The following ZNF704 variants were observed in gnomAD, a reference collection of about 807,000 sequenced individuals.
ZNF704 encodes the protein zinc finger protein 704.
A neutral mutation model predicts 44.7 loss-of-function variants in ZNF704; 10 were observed. The observed-to-expected ratio is 0.22, with a 90% CI of 0.14 to 0.38. The LOEUF (loss-of-function observed/expected upper bound fraction) is 0.38, where lower values mean the gene tolerates loss of function less well. Ranked by LOEUF, ZNF704 falls within the 10% of genes least tolerant of loss-of-function variation. The probability of loss-of-function intolerance (pLI) is 1.00; values close to 1 mark genes in which losing one functional copy is unlikely to be tolerated. For synonymous variants in ZNF704, 211 were observed against 207.6 expected (o/e 1.02, Z -0.14); for missense variants, 390 against 545.5 (o/e 0.71, Z 2.84).
intron 5 of ZNF704, among the ~76,000 whole-genome samples, chr8:80,669,992 G>A (rs898509627): frequency 1.3e-5 from 2 of 152,154 alleles, no homozygotes; most frequent in African/African-American, 4.8e-5. Context: ...CGATTGGTGT[G>A]GTGACTCTTG....
intron 3 of ZNF704, among the ~76,000 whole-genome samples, chr8:80,688,890 C>A (rs749228981): frequency 7.0e-6 from 1 of 142,912 alleles, no homozygotes; most frequent in Non-Finnish European, 1.5e-5. Context: ...ACTTGGGAGG[C>A]GGAGGTTGCA....
intron 2 of ZNF704, among the ~76,000 whole-genome samples, chr8:80,709,644 C>A (rs6983710): frequency 0.069 from 10,480 of 151,834 alleles, 1,212 homozygotes; most frequent in African/African-American, 0.24. Context: ...GTGAGAAAGG[C>A]AGGATTGGGT....
intron 2 of ZNF704, among the ~76,000 whole-genome samples, chr8:80,715,372 G>A (rs886384079): frequency 3.3e-5 from 5 of 152,176 alleles, no homozygotes; most frequent in African/African-American, 1.2e-4. Flanking sequence ...GGCTCCACAA[G>A]CCTCAGAGCA....
chr8:80,848,245 G>A (rs1243888172), intron 1 of ZNF704, among the ~76,000 whole-genome samples: 1 of 152,186 alleles, frequency 6.6e-6, no homozygotes, highest in African/African-American at 2.4e-5. Flanking sequence ...ACGGCGGAGA[G>A]GCAAGGAGAG....
chr8:80,731,088 A>T (rs1042569409), intron 2 of ZNF704, among the ~76,000 whole-genome samples: 5 of 152,208 alleles, frequency 3.3e-5, no homozygotes, highest in African/African-American at 1.2e-4. Context: ...CACCAAATTG[A>T]CATTTGAAGC....
chr8:80,868,162 T>C (rs545627076), intron 1 of ZNF704, among the ~76,000 whole-genome samples: 1 of 152,332 alleles, frequency 6.6e-6, no homozygotes, highest in South Asian at 2.1e-4. Flanking sequence ...TTGTTTCTTT[T>C]CTGGTTTTTT....
At chr8:80,667,047 G>A (rs1818206349) in intron 5 of ZNF704, among the ~76,000 whole-genome samples, 2 of 152,176 alleles carry the variant, frequency 1.3e-5, no homozygotes, top group African/African-American at 2.4e-5. Flanking sequence ...CGTTTGAGTA[G>A]AGACCTGCCT....
chr8:80,846,033 T>C, intron 1 of ZNF704, among the ~76,000 whole-genome samples: 1 of 152,218 alleles, frequency 6.6e-6, no homozygotes, highest in East Asian at 1.9e-4. Context: ...TGCTGAGTAT[T>C]GTGTATAACA....
Position 80,632,515 on chromosome 8 carries a change from A to C in ZNF704, c.*8851T>G, listed in dbSNP as rs545759618. On this transcript the variant is annotated 3_prime_UTR_variant, in exon 9 of 9. Coordinates refer to ENST00000327835, the MANE Select transcript of ZNF704 (RefSeq NM_001033723.3). ...CAATTCTGGTTAATTTTCTGAATTA[A>C]AAATTTAGGGAAAAGGACCTAGCAA... is the stretch of plus-strand genomic sequence containing the variant. 2.0e-5 allele frequency: 3 copies of C among 152,300 alleles called. No homozygotes were observed. The highest frequency in any genetic ancestry group is 7.2e-5 in the African/African-American group (3 of 41,570). The allele number at this position is 152,300 out of a possible 1,614,324, so 9.4% of individuals were successfully genotyped here.
intron 2 of ZNF704, among the ~76,000 whole-genome samples, chr8:80,744,279 T>TTA (rs971053566): frequency 5.9e-5 from 9 of 151,988 alleles, no homozygotes; most frequent in South Asian, 2.1e-4. Context: ...TCACAACATT[T>TTA]TATATATATA....
At chr8:80,850,335 T>C (rs763957685) in intron 1 of ZNF704, among the ~76,000 whole-genome samples, 17 of 152,212 alleles carry the variant, frequency 1.1e-4, no homozygotes, top group Non-Finnish European at 2.2e-4. Context: ...TCTTTTCTTA[T>C]ATGAACTCCA....
intron 2 of ZNF704, among the ~76,000 whole-genome samples, chr8:80,713,881 C>T (rs948492110): frequency 1.3e-5 from 2 of 152,150 alleles, no homozygotes; most frequent in African/African-American, 4.8e-5. Context: ...TCTTCAGCAC[C>T]CCTCAGGCAT....
Position 80,643,106 on chromosome 8 carries a change from C to T in ZNF704, c.1056G>A (p.Val352=). The T allele has an allele frequency of 6.2e-7, 1 of 1,605,990 alleles. No homozygotes were observed. Among genetic ancestry groups the T allele is most frequent in the Non-Finnish European group, 8.5e-7 (1 of 1,176,234 alleles). The change falls in exon 8 of 9, where the codon GTG becomes GTA. Residue 352 remains valine, a synonymous_variant. Transcript: ENST00000327835. The part of the protein sequence containing the change: ...GIPVSPTHHP[V]GTGEQRQHAH... ...CATGCTGTCTCTGCTCTCCTGTGCCCACCGGATGATGTGTGGGTGACACCT... is the reference window on the plus strand; with the variant it reads ...CATGCTGTCTCTGCTCTCCTGTGCCTACCGGATGATGTGTGGGTGACACCT...
In ZNF704 at chr8:80,631,203, C is replaced by T. The variant is rs936281468; in HGVS notation, c.*10163G>A. 1 of 152,036 alleles carries T rather than the reference C, an allele frequency of 6.6e-6. No homozygotes were observed. Among genetic ancestry groups the T allele is most frequent in the Non-Finnish European group, 1.5e-5 (1 of 68,018 alleles). 9.4% of individuals were successfully genotyped at this position (152,036 alleles called of 1,614,324 possible). On this transcript the variant is annotated 3_prime_UTR_variant, in exon 9 of 9. Transcript: ENST00000327835. ...GCAAAGTTATGTATTGCTCCTCAACCTTTTTTGGGAAAGTATGGGTAGTTT... is the reference window on the plus strand; with the variant it reads ...GCAAAGTTATGTATTGCTCCTCAACTTTTTTTGGGAAAGTATGGGTAGTTT...
intron 2 of ZNF704, among the ~76,000 whole-genome samples, chr8:80,727,590 G>A (rs568579517): frequency 7.9e-5 from 12 of 152,080 alleles, no homozygotes; most frequent in African/African-American, 2.7e-4. Flanking sequence ...AGGCAGGCAG[G>A]GGGTGGATGG....
At chr8:80,876,261 G>C (rs1360667640), upstream of ZNF704, among the ~76,000 whole-genome samples, 1 of 152,178 alleles carries the variant, frequency 6.6e-6, no homozygotes, top group Non-Finnish European at 1.5e-5. Context: ...AATTCAGAGA[G>C]AAGAAAACAG....
At chr8:80,726,860 C>CAG (rs922785593) in intron 2 of ZNF704, among the ~76,000 whole-genome samples, 1 of 148,362 alleles carries the variant, frequency 6.7e-6, no homozygotes, top group African/African-American at 2.5e-5. Flanking sequence ...CACACACAGA[C>CAG]ACACACAGTT....
intron 7 of ZNF704, 59 bp downstream of exon 7, chr8:80,659,526 C>T: frequency 7.0e-7 from 1 of 1,424,134 alleles, no homozygotes; most frequent in Non-Finnish European, 9.9e-7. Flanking sequence ...TATTTGTTCG[C>T]TAAATTTAGT....
intron 2 of ZNF704, among the ~76,000 whole-genome samples, chr8:80,762,626 G>T (rs1428238437): frequency 6.6e-6 from 1 of 152,108 alleles, no homozygotes; most frequent in African/African-American, 2.4e-5. Flanking sequence ...TGAGATTTGG[G>T]TAGGGACATA....
Sources: allele counts gnomAD v4.1 joint callset (sites outside exome capture counted in the v4.1 genomes callset), GRCh38; gene constraint gnomAD v4.1.1; transcripts MANE v1.5; gene names NCBI Gene and HGNC (gene_info 2026-07-23, HGNC 2026-07-21).